The following ZNF454 variants were observed in gnomAD, a reference collection of about 807,000 sequenced individuals.
ZNF454 encodes the protein zinc finger protein 454.
A neutral mutation model predicts 48.2 loss-of-function variants in ZNF454; 30 were observed. That is an observed-to-expected ratio of 0.62 (90% confidence interval 0.47 to 0.84). The LOEUF is 0.84. Ranked by LOEUF, ZNF454 falls within the 40% of genes least tolerant of loss-of-function variation. The pLI, the probability that ZNF454 is intolerant of heterozygous loss-of-function variation, is 0.00. For missense variants in ZNF454, 510 were observed against 623.1 expected (o/e 0.82, Z 1.93); for synonymous variants, 204 against 211.4 (o/e 0.97, Z 0.30).
intron 4 of ZNF454, among the ~76,000 whole-genome samples, chr5:178,951,119 A>G (rs1422762032): frequency 6.6e-6 from 1 of 152,044 alleles, no homozygotes; most frequent in Non-Finnish European, 1.5e-5. Context: ...CGGCCTCCCA[A>G]AGTGCTGGGA....
At chr5:178,983,396 C>T in the ZNF454 span, 1 of 719,378 alleles carries the variant, frequency 1.4e-6, no homozygotes, top group Non-Finnish European at 2.5e-6. Flanking sequence ...GGATGGCAGC[C>T]CAGGCAGGGG....
chr5:178,985,514 T>A, the ZNF454 span: 82 of 339,682 alleles, frequency 2.4e-4, 1 homozygote, highest in African/African-American at 5.9e-4. Flanking sequence ...CCATCCTGGC[T>A]AACACGGTGA....
At chr5:178,974,586 G>T in the ZNF454 span, among the ~76,000 whole-genome samples, 1 of 152,134 alleles carries the variant, frequency 6.6e-6, no homozygotes, top group African/African-American at 2.4e-5. Context: ...TGAAAGTACC[G>T]GGATTAGAGG....
At chr5:178,956,165 T>A (rs902794197) in intron 4 of ZNF454, among the ~76,000 whole-genome samples, 2 of 152,238 alleles carry the variant, frequency 1.3e-5, no homozygotes, top group African/African-American at 2.4e-5. Context: ...CCAAGAACTC[T>A]TGTTTCTCTG....
chr5:178,960,419 G>T (rs567665214), intron 4 of ZNF454, among the ~76,000 whole-genome samples: 1 of 151,542 alleles, frequency 6.6e-6, no homozygotes, highest in Non-Finnish European at 1.5e-5. Flanking sequence ...CACCACGCCC[G>T]GCTAATTTTG....
intron 4 of ZNF454, among the ~76,000 whole-genome samples, chr5:178,960,437 A>G (rs1196102555): frequency 3.3e-5 from 5 of 151,092 alleles, no homozygotes; most frequent in Non-Finnish European, 1.5e-5. Flanking sequence ...TTGTATTTTT[A>G]GTAGAGACGG....
At chr5:178,956,080 A>G (rs911528970) in intron 4 of ZNF454, among the ~76,000 whole-genome samples, 18 of 152,094 alleles carry the variant, frequency 1.2e-4, no homozygotes, top group African/African-American at 4.1e-4. Context: ...GTCATTTCCT[A>G]CTTTTTTCTG....
intron 4 of ZNF454, among the ~76,000 whole-genome samples, chr5:178,953,692 A>T (rs1404044731): frequency 2.0e-5 from 3 of 152,298 alleles, no homozygotes; most frequent in African/African-American, 7.2e-5. Context: ...TGGATCATTC[A>T]ACTGGATAGA....
chr5:178,953,706 CA>C (rs1759641339), intron 4 of ZNF454, among the ~76,000 whole-genome samples: 1 of 152,178 alleles, frequency 6.6e-6, no homozygotes, highest in South Asian at 2.1e-4. Context: ...GGATAGAATT[CA>C]GCACTGGAAA....
the ZNF454 span, chr5:178,983,142 G>A: frequency 6.2e-7 from 1 of 1,613,864 alleles, no homozygotes; most frequent in Non-Finnish European, 8.5e-7. Context: ...GGCCTGCTCG[G>A]GGTCCACCGT....
rs949729648 is a variant in ZNF454 at position 178,946,015 on chromosome 5, C to T, written c.34-344C>T. Among the ~76,000 whole-genome samples the T allele has an allele frequency of 2.6e-5, 4 of 151,986 alleles. No homozygotes were observed. Among genetic ancestry groups the T allele is most frequent in the African/African-American group, 4.8e-5 (2 of 41,376 alleles). On this transcript the variant is annotated intron_variant, in intron 2 of 4. Transcript: ENST00000519564. The surrounding 1 kb of genome is among the most constrained non-coding windows in gnomAD (Gnocchi z 4.5). ...TGAGCCGTGTCTATGCTGAGACCTGCGTAGGATTTGGTCCCCTGGGGTGAG... is the reference window on the plus strand; with the variant it reads ...TGAGCCGTGTCTATGCTGAGACCTGTGTAGGATTTGGTCCCCTGGGGTGAG...
At chr5:178,947,312 A>G (rs2113196822) in intron 4 of ZNF454, among the ~76,000 whole-genome samples, 1 of 152,344 alleles carries the variant, frequency 6.6e-6, no homozygotes, top group South Asian at 2.1e-4. Context: ...AGCATCTGAC[A>G]GTGCAGTCTC....
chr5:178,947,434 A>C, intron 4 of ZNF454, among the ~76,000 whole-genome samples: 3 of 152,326 alleles, frequency 2.0e-5, no homozygotes, highest in Middle Eastern at 3.4e-3. Context: ...CTTGTCTTCA[A>C]CTACCTCCAT....
the ZNF454 span, among the ~76,000 whole-genome samples, chr5:178,971,874 G>T: frequency 2.0e-5 from 3 of 150,624 alleles, no homozygotes; most frequent in Admixed American, 1.3e-4. Context: ...AAGAAGAACT[G>T]GCCAGCCCCA....
At chr5:178,972,292 A>G in the ZNF454 span, among the ~76,000 whole-genome samples, 1 of 152,224 alleles carries the variant, frequency 6.6e-6, no homozygotes, top group African/African-American at 2.4e-5. Flanking sequence ...CAACTATTTT[A>G]TGACTATACA....
chr5:178,954,233 G>T (rs998652403), intron 4 of ZNF454, among the ~76,000 whole-genome samples: 1 of 152,106 alleles, frequency 6.6e-6, no homozygotes, highest in Non-Finnish European at 1.5e-5. Flanking sequence ...ACTTCAGCCT[G>T]GCTGGAGTGC....
At chr5:178,972,487 G>C in the ZNF454 span, among the ~76,000 whole-genome samples, 28 of 152,274 alleles carry the variant, frequency 1.8e-4, no homozygotes, top group East Asian at 4.6e-3. Context: ...TGGCATTGGT[G>C]GGTGGGGAGG....
At chr5:178,957,290 C>T (rs576939427) in intron 4 of ZNF454, among the ~76,000 whole-genome samples, 436 of 152,276 alleles carry the variant, frequency 2.9e-3, no homozygotes, top group Middle Eastern at 6.8e-3. Context: ...GCGTTTGGTC[C>T]CTCCCTGGGT....
At chr5:178,967,969 G>A (rs1283144655), downstream of ZNF454, among the ~76,000 whole-genome samples, 1 of 151,954 alleles carries the variant, frequency 6.6e-6, no homozygotes, top group African/African-American at 2.4e-5. Context: ...TCAAACTCCT[G>A]ACCTTGTGAT....
Sources: allele counts gnomAD v4.1 joint callset (sites outside exome capture counted in the v4.1 genomes callset), GRCh38; gene constraint gnomAD v4.1.1; non-coding constraint Gnocchi (gnomAD v3.1); transcripts MANE v1.5; gene names NCBI Gene and HGNC (gene_info 2026-07-23, HGNC 2026-07-21).